The following DAB1 variants were observed in gnomAD, a reference collection of about 807,000 sequenced individuals.
DAB1 encodes the protein disabled homolog 1.
DAB1 carries 15 observed loss-of-function variants against 64.6 expected under a neutral mutation model. That is an observed-to-expected ratio of 0.23 (90% CI 0.16 to 0.36). DAB1 has a LOEUF of 0.36. Among genes scored for constraint, DAB1 ranks in the 10% least tolerant of loss-of-function variants. The pLI, the probability that DAB1 is intolerant of heterozygous loss-of-function variation, is 1.00. For missense variants in DAB1, 596 were observed against 706.7 expected (o/e 0.84, Z 1.78); for synonymous variants, 235 against 251.9 (o/e 0.93, Z 0.64).
chr1:57,153,919 A>T (rs529424853), intron 2 of DAB1, among the ~76,000 whole-genome samples: 2 of 152,130 alleles, frequency 1.3e-5, no homozygotes, highest in South Asian at 2.1e-4. Flanking sequence ...GATTACAGGC[A>T]TGAGCCACCA....
At chr1:58,463,507 T>C (rs1645264098) in intron 3 of DAB1, among the ~76,000 whole-genome samples, 1 of 152,236 alleles carries the variant, frequency 6.6e-6, no homozygotes, top group Admixed American at 6.5e-5. Context: ...TGTGTAAATC[T>C]TCATGTTCAA....
At chr1:58,376,489 C>T (rs55774142) in intron 3 of DAB1, among the ~76,000 whole-genome samples, 9,136 of 127,634 alleles carry the variant, frequency 0.072, 456 homozygotes, top group Middle Eastern at 0.14. Context: ...TTGAGTGGCT[C>T]TGAGTGAGAT....
rs140383090 is a variant in DAB1, at chr1:57,722,980, G to A, written n.552-73315C>T. Among the ~76,000 whole-genome samples the A allele has an allele frequency of 2.6e-5, 4 of 152,160 alleles. No homozygotes were observed. In the East Asian group the frequency reaches 7.7e-4, roughly 29 times the overall value. On this transcript the variant is annotated intron_variant and non_coding_transcript_variant, in intron 6 of 20. Transcript: ENST00000485760. Reference sequence around the variant, plus strand: ...GGGATCATTTCAGTGCACTCTGTGAGTATGTTGCTCCCATCTCCAAAAGCT... The same window carrying A: ...GGGATCATTTCAGTGCACTCTGTGAATATGTTGCTCCCATCTCCAAAAGCT...
intron 4 of DAB1, among the ~76,000 whole-genome samples, chr1:57,119,990 T>C (rs1321629006): frequency 6.6e-6 from 1 of 152,194 alleles, no homozygotes; most frequent in African/African-American, 2.4e-5. Flanking sequence ...CAACCTCTTT[T>C]TAGTCTCCTA....
At chr1:57,652,956 A>G (rs1339822739) in intron 6 of DAB1, among the ~76,000 whole-genome samples, 2 of 152,176 alleles carry the variant, frequency 1.3e-5, no homozygotes, top group East Asian at 1.9e-4. Context: ...TCAGTTTACA[A>G]TTTTACCTTG....
intron 1 of DAB1, among the ~76,000 whole-genome samples, chr1:57,356,650 C>T (rs1679129983): frequency 6.6e-6 from 1 of 152,006 alleles, no homozygotes; most frequent in African/African-American, 2.4e-5. Context: ...AAACTCCATT[C>T]AGACAGAAAA....
At chr1:57,404,007 A>T (rs1683440155) in intron 1 of DAB1, among the ~76,000 whole-genome samples, 1 of 152,206 alleles carries the variant, frequency 6.6e-6, no homozygotes, top group Admixed American at 6.5e-5. Flanking sequence ...TGGAGGGTGT[A>T]GTCACCACAC....
At chr1:58,166,626 G>C (rs1361338035) in intron 4 of DAB1, among the ~76,000 whole-genome samples, 1 of 151,978 alleles carries the variant, frequency 6.6e-6, no homozygotes, top group East Asian at 1.9e-4. Flanking sequence ...GTCTTTCAGG[G>C]ACACATGTTT....
rs398049302 is a variant in DAB1, at chr1:57,159,856, CAA to C, written c.68-14429_68-14428del. ...CACGTACAAGGTAGAAGCAGCAAGACAAAAAAAAAAAAAAAAAAAAAGGAAAA... is the reference window on the plus strand; with the variant it reads ...CACGTACAAGGTAGAAGCAGCAAGACAAAAAAAAAAAAAAAAAAAGGAAAA... On this transcript the variant is annotated intron_variant, in intron 2 of 14. Transcript: ENST00000371236. Among the ~76,000 whole-genome samples the C allele has an allele frequency of 3.7e-3, 322 of 86,340 alleles. 1 individual carries two copies. The highest frequency in any genetic ancestry group is 8.1e-3 in the Middle Eastern group (1 of 124). 56.6% of individuals were successfully genotyped at this position (86,340 alleles called of 152,430 possible).
chr1:57,141,150 GAACC>G (rs1220758277), intron 3 of DAB1, among the ~76,000 whole-genome samples: 3 of 152,128 alleles, frequency 2.0e-5, no homozygotes, highest in African/African-American at 7.2e-5. Flanking sequence ...CCAGCTATAT[GAACC>G]AAAGGGAAAA....
chr1:57,521,241 A>C (rs1644522509), intron 7 of DAB1, among the ~76,000 whole-genome samples: 1 of 152,214 alleles, frequency 6.6e-6, no homozygotes. Context: ...GGAGGGGATT[A>C]ACTGGCTCAG....
At chr1:57,269,414 C>T (rs1670821804) in intron 2 of DAB1, among the ~76,000 whole-genome samples, 1 of 152,078 alleles carries the variant, frequency 6.6e-6, no homozygotes, top group Non-Finnish European at 1.5e-5. Flanking sequence ...CTGGTTTACC[C>T]TGTGGTCTCA....
intron 2 of DAB1, among the ~76,000 whole-genome samples, chr1:57,256,454 G>A (rs1232207447): frequency 1.3e-5 from 2 of 152,192 alleles, no homozygotes; most frequent in African/African-American, 2.4e-5. Flanking sequence ...CTTTAAGCAA[G>A]TGGCTCCACC....
intron 3 of DAB1, among the ~76,000 whole-genome samples, chr1:58,401,646 C>T (rs1037426658): frequency 6.6e-6 from 1 of 152,166 alleles, no homozygotes; most frequent in Non-Finnish European, 1.5e-5. Flanking sequence ...ATCTCAGCAA[C>T]TAAAACAACG....
At chr1:57,525,625 G>T (rs946993609) in intron 7 of DAB1, among the ~76,000 whole-genome samples, 9 of 152,048 alleles carry the variant, frequency 5.9e-5, no homozygotes, top group Non-Finnish European at 1.0e-4. Context: ...GAGAAGTGGG[G>T]ATAGTGATAG....
At position 56,996,114 on chromosome 1, in the gene DAB1, T is replaced by A. The variant is rs1645605647; in HGVS notation, c.*2030A>T. 1 of 152,238 alleles carries A rather than the reference T, an allele frequency of 6.6e-6. No individual in the cohort carries two copies. The highest frequency in any genetic ancestry group is 1.5e-5 in the Non-Finnish European group (1 of 68,038). 9.4% of individuals were successfully genotyped at this position (152,238 alleles called of 1,614,324 possible). ...GGGCTTTAAATGATAACCATTACCT[T>A]CATGTATCACTTTTCGCTTTGTGAA... On this transcript the variant is annotated 3_prime_UTR_variant, in exon 15 of 15. Transcript: ENST00000371236.
chr1:57,573,030 A>G (rs555491492), intron 7 of DAB1, among the ~76,000 whole-genome samples: 1 of 152,278 alleles, frequency 6.6e-6, no homozygotes, highest in South Asian at 2.1e-4. Context: ...TCAACAAGAG[A>G]TTTGGGCAGG....
At chr1:57,603,663 T>C (rs1645602086) in intron 7 of DAB1, among the ~76,000 whole-genome samples, 1 of 152,206 alleles carries the variant, frequency 6.6e-6, no homozygotes, top group Admixed American at 6.5e-5. Flanking sequence ...TTTGTATCAG[T>C]TTCTGAAGCT....
At chr1:58,341,549 C>G (rs1305872632) in intron 4 of DAB1, among the ~76,000 whole-genome samples, 1 of 152,162 alleles carries the variant, frequency 6.6e-6, no homozygotes, top group Non-Finnish European at 1.5e-5. Flanking sequence ...TAGATCGTAT[C>G]TGCAGTTTAC....
Sources: gnomAD v4.1 joint callset for allele counts (sites outside exome capture counted in the v4.1 genomes callset) on GRCh38, gnomAD v4.1.1 for gene constraint, MANE v1.5 for transcripts, NCBI Gene and HGNC (gene_info 2026-07-23, HGNC 2026-07-21) for gene names.